The following ROBO2 variants were observed in gnomAD, a reference collection of about 807,000 sequenced individuals.
ROBO2 encodes roundabout homolog 2.
A neutral mutation model predicts 160.8 loss-of-function variants in ROBO2; 53 were observed. The ratio of observed to expected loss-of-function variants is 0.33; its 90% CI spans 0.26 to 0.41. The LOEUF (loss-of-function observed/expected upper bound fraction) is 0.41. ROBO2 is among the 10% of genes least tolerant of loss of function. The pLI is 1.00. For missense variants in ROBO2, 1,577 were observed against 1,722.4 expected (o/e 0.92, Z 1.49); for synonymous variants, 664 against 611.7 (o/e 1.09, Z -1.26).
At chr3:76,281,234 C>G (rs1177801218) in intron 2 of ROBO2, among the ~76,000 whole-genome samples, 1 of 151,502 alleles carries the variant, frequency 6.6e-6, no homozygotes, top group East Asian at 1.9e-4. Context: ...GTGGGAAACA[C>G]CAAGAGAGCA....
intron 2 of ROBO2, among the ~76,000 whole-genome samples, chr3:76,172,942 A>G (rs2073098079): frequency 6.6e-6 from 1 of 152,092 alleles, no homozygotes; most frequent in Admixed American, 6.6e-5. Context: ...ATATATATAA[A>G]GCTTCAAGCA....
Position 77,360,035 on chromosome 3 carries a change from A to G in ROBO2, c.389-117379A>G, listed in dbSNP as rs550746720. 2.0e-5 allele frequency among the ~76,000 whole-genome samples: 3 copies of G among 152,240 alleles called. No homozygotes were observed. The East Asian group carries it at 5.8e-4, about 30-fold the overall frequency. On this transcript the variant is annotated intron_variant, in intron 2 of 25. Transcript: ENST00000461745. The stretch of plus-strand genomic sequence containing the variant: ...AGTAAGCTGCATAGATGCCAAGTGT[A>G]GAAGTTGAAGTACTAAATCTCTGCT...
At chr3:76,659,980 T>C (rs2091748920) in intron 2 of ROBO2, among the ~76,000 whole-genome samples, 1 of 152,154 alleles carries the variant, frequency 6.6e-6, no homozygotes, top group Non-Finnish European at 1.5e-5. Flanking sequence ...TTTCCAGACC[T>C]CCCTTGGTGA....
intron 5 of ROBO2, among the ~76,000 whole-genome samples, chr3:77,496,587 C>A (rs759706709): frequency 6.6e-6 from 1 of 152,104 alleles, no homozygotes; most frequent in Non-Finnish European, 1.5e-5. Context: ...CATGACATTT[C>A]TTTGGCTTAA....
At chr3:76,135,352 A>G (rs1313101193) in intron 2 of ROBO2, among the ~76,000 whole-genome samples, 1 of 152,136 alleles carries the variant, frequency 6.6e-6, no homozygotes, top group African/African-American at 2.4e-5. Flanking sequence ...AAAACAGATC[A>G]GTAACTTATC....
intron 2 of ROBO2, among the ~76,000 whole-genome samples, chr3:76,335,660 C>T (rs2073836508): frequency 6.6e-6 from 1 of 151,836 alleles, no homozygotes; most frequent in African/African-American, 2.4e-5. Flanking sequence ...TCACTGCAAG[C>T]TCCACCTCCC....
chr3:76,703,449 G>T (rs539824160), intron 2 of ROBO2, among the ~76,000 whole-genome samples: 1 of 152,140 alleles, frequency 6.6e-6, no homozygotes, highest in East Asian at 1.9e-4. Flanking sequence ...ACGTACCATG[G>T]TGGTTTGCTG....
intron 2 of ROBO2, among the ~76,000 whole-genome samples, chr3:76,052,197 G>T (rs1444996203): frequency 6.6e-6 from 1 of 152,030 alleles, no homozygotes; most frequent in Non-Finnish European, 1.5e-5. Context: ...GTGTAGGAAA[G>T]GACAGGATGT....
chr3:77,379,454 A>C (rs1277840026), intron 2 of ROBO2, among the ~76,000 whole-genome samples: 1 of 152,204 alleles, frequency 6.6e-6, no homozygotes, highest in Non-Finnish European at 1.5e-5. Context: ...CCTGATTAAA[A>C]AAAAAAATTA....
chr3:77,484,782 A>G (rs564007030), intron 4 of ROBO2, among the ~76,000 whole-genome samples: 17 of 151,966 alleles, frequency 1.1e-4, no homozygotes, highest in African/African-American at 4.1e-4. Context: ...GGTTATATTA[A>G]TATTCAGAAT....
intron 2 of ROBO2, among the ~76,000 whole-genome samples, chr3:76,258,882 ATG>A (rs1160627044): frequency 5.3e-5 from 8 of 152,024 alleles, no homozygotes; most frequent in African/African-American, 1.9e-4. Flanking sequence ...GTAAGCTATA[ATG>A]TAGGCTTGGA....
intron 2 of ROBO2, among the ~76,000 whole-genome samples, chr3:76,453,644 A>G (rs188262448): frequency 7.7e-4 from 117 of 152,140 alleles, no homozygotes; most frequent in Non-Finnish European, 1.3e-3. Context: ...GGCTAAGCCA[A>G]CTTATTTTTA....
intron 2 of ROBO2, among the ~76,000 whole-genome samples, chr3:76,338,143 A>T (rs1486632940): frequency 6.6e-6 from 1 of 152,136 alleles, no homozygotes; most frequent in Non-Finnish European, 1.5e-5. Context: ...GCTATAAGGA[A>T]TTTAGTTTCC....
In ROBO2 at chr3:77,098,302, G is replaced by C. The variant is rs759383156; in HGVS notation, c.350G>C (p.Gly117Ala). ...GTTTGTGTTGCGAGGAACTATCTTG[G>C]TGAAGCAGTGAGTCGAAATGCGTCT... Residue 117 changes from glycine (G) to alanine (A), a missense_variant, in exon 2 of 26, where the codon GGT becomes GCT. Physicochemically the swap from Gly to Ala is moderately conservative, Grantham distance 60 (BLOSUM62 0). Coordinates refer to ENST00000461745, the Ensembl canonical transcript of ROBO2. 4.3e-6 allele frequency: 7 copies of C among 1,614,128 alleles called. No individual in the cohort carries two copies. In the South Asian group the frequency reaches 7.7e-5, roughly 18 times the overall value.
At chr3:75,959,053 A>G (rs1320716517) in intron 2 of ROBO2, among the ~76,000 whole-genome samples, 1 of 151,750 alleles carries the variant, frequency 6.6e-6, no homozygotes, top group Non-Finnish European at 1.5e-5. Flanking sequence ...CTATTTCTTT[A>G]CTTTTAAACT....
chr3:77,166,161 G>A (rs190851873), intron 2 of ROBO2, among the ~76,000 whole-genome samples: 75 of 152,140 alleles, frequency 4.9e-4, no homozygotes, highest in African/African-American at 1.7e-3. Context: ...GCGTGGCTGA[G>A]GCATAAGAAT....
chr3:76,601,485 G>C (rs374325156), intron 2 of ROBO2, among the ~76,000 whole-genome samples: 1 of 152,110 alleles, frequency 6.6e-6, no homozygotes, highest in Non-Finnish European at 1.5e-5. Context: ...CTCAATTCTT[G>C]ACTTCTGTGC....
At chr3:76,745,573 C>A (rs1046041761) in intron 2 of ROBO2, among the ~76,000 whole-genome samples, 3 of 152,052 alleles carry the variant, frequency 2.0e-5, no homozygotes, top group African/African-American at 7.2e-5. Context: ...TGATCCCACC[C>A]AGTTCCACTT....
At chr3:76,457,077 A>C (rs529253671) in intron 2 of ROBO2, among the ~76,000 whole-genome samples, 15 of 152,202 alleles carry the variant, frequency 9.9e-5, no homozygotes, top group African/African-American at 3.6e-4. Flanking sequence ...GGCCCATCCA[A>C]ATCTCATGTC....
Sources: allele counts gnomAD v4.1 joint callset (sites outside exome capture counted in the v4.1 genomes callset), GRCh38; gene constraint gnomAD v4.1.1; transcripts MANE v1.5; gene names NCBI Gene and HGNC (gene_info 2026-07-23, HGNC 2026-07-21).